The following PCDHGA4 variants were observed in gnomAD, a reference collection of about 807,000 sequenced individuals.
The protein encoded by PCDHGA4 is protocadherin gamma subfamily A, 4.
In PCDHGA4, 38 loss-of-function variants were observed where a neutral mutation model predicts 54.6. The ratio of observed to expected loss-of-function variants is 0.70; its 90% CI spans 0.54 to 0.91. The LOEUF (loss-of-function observed/expected upper bound fraction) is 0.91. PCDHGA4 is among the 40% of genes least tolerant of loss of function. The pLI is 0.00. For missense variants in PCDHGA4, 1,298 were observed against 1,220.9 expected, an observed-to-expected ratio of 1.06 and a Z score of -0.94; for synonymous variants, 511 against 512.9, an observed-to-expected ratio of 1.00 and a Z score of 0.05.
rs749590670 is a variant in PCDHGA4, at chr5:141,415,328, A to T, written c.2514+57707A>T. 7.9e-5 allele frequency: 127 copies of T among 1,614,184 alleles called. No individual in the cohort carries two copies. The Admixed American group carries it at 1.9e-3, about 24-fold the overall frequency. ...GCCTTCGTCATCGTGCTGCTGGCGC[A>T]CAGGCTGCGGCGCTGGCACAAGTCA... On this transcript the variant is annotated intron_variant, in intron 1 of 3. Transcript: ENST00000571252.
In PCDHGA4 at chr5:141,485,423, C is replaced by A; in HGVS notation, c.2515-9384C>A. On this transcript the variant is annotated intron_variant, in intron 1 of 3. Transcript: ENST00000571252. This position sits in a 1 kb window ranked among gnomAD's most constrained non-coding sequence, Gnocchi z 5.7. Reference sequence around the variant, plus strand: ...CCGTGTGGATTTGGACAGCGGAGCCCTGCTCATCAAGAACCCAATCGACCG... The same window carrying A: ...CCGTGTGGATTTGGACAGCGGAGCCATGCTCATCAAGAACCCAATCGACCG... 1 of 1,614,204 alleles carries A rather than the reference C, an allele frequency of 6.2e-7. No homozygotes were observed. The highest frequency in any genetic ancestry group is 8.5e-7 in the Non-Finnish European group (1 of 1,180,036).
chr5:141,456,020 C>T (rs2098840631), intron 1 of PCDHGA4, among the ~76,000 whole-genome samples: 1 of 151,834 alleles, frequency 6.6e-6, no homozygotes, highest in South Asian at 2.1e-4. Flanking sequence ...GCCTCAGCCT[C>T]CCGAGTAGCT....
intron 1 of PCDHGA4, chr5:141,365,994 A>G: frequency 6.2e-7 from 1 of 1,614,260 alleles, no homozygotes; most frequent in Non-Finnish European, 8.5e-7. Flanking sequence ...GTGCTGGACC[A>G]GAACGACAAT....
At chr5:141,414,640 G>A (rs1035735674) in intron 1 of PCDHGA4, 2 of 1,613,838 alleles carry the variant, frequency 1.2e-6, no homozygotes, top group Non-Finnish European at 1.7e-6. Flanking sequence ...CAAAGAGAAT[G>A]CCCAGATTAT....
intron 1 of PCDHGA4, chr5:141,410,107 G>A: frequency 3.1e-6 from 5 of 1,612,702 alleles, no homozygotes; most frequent in Non-Finnish European, 4.2e-6. Flanking sequence ...TAGGCGACAG[G>A]GACGCAGCCC....
At chr5:141,384,656 A>G in intron 1 of PCDHGA4, 1 of 1,614,192 alleles carries the variant, frequency 6.2e-7, no homozygotes, top group Non-Finnish European at 8.5e-7. Flanking sequence ...GAGCCCGGCT[A>G]CCTGGTGACC....
At chr5:141,454,620 G>T (rs1028840158) in intron 1 of PCDHGA4, among the ~76,000 whole-genome samples, 1 of 151,520 alleles carries the variant, frequency 6.6e-6, no homozygotes, top group East Asian at 1.9e-4. Flanking sequence ...TGGTCAGGCT[G>T]GTCTCGAACC....
chr5:141,414,134 A>G, intron 1 of PCDHGA4: 1 of 1,595,028 alleles, frequency 6.3e-7, no homozygotes, highest in Non-Finnish European at 8.5e-7. Flanking sequence ...GGTTTCTATG[A>G]AATAGAAATA....
In PCDHGA4 at chr5:141,355,945, G is replaced by A; in HGVS notation, c.838G>A (p.Val280Ile). ...CGTGTTCACTCAGCCCGAGTACCAC[G>A]TAAGTGTTCGTGAGAACGTTCCTGT... ...APVFTQPEYHVSVRENVPVGT... is the reference protein window; with the variant it reads ...APVFTQPEYHISVRENVPVGT... Residue 280 changes from valine to isoleucine, a missense_variant, in exon 1 of 4, where the codon GTA becomes ATA. Val to Ile is a conservative substitution (Grantham distance 29). Transcript: ENST00000571252. 2 of 1,613,848 alleles carry A rather than the reference G, an allele frequency of 1.2e-6. No homozygotes were observed. The highest frequency in any genetic ancestry group is 4.5e-5 in the East Asian group (2 of 44,884).
chr5:141,404,214 C>T lies in PCDHGA4; in HGVS notation c.2514+46593C>T, dbSNP rs1169013129. On this transcript the variant is annotated intron_variant, in intron 1 of 3. Coordinates refer to ENST00000571252, the MANE Select transcript of PCDHGA4 (RefSeq NM_018917.4). ...GAAAAAGCCTCAGAATATAATATCA[C>T]GGTGACTGCAACAGACAGAGGAACT... 11 of 1,613,562 alleles carry T rather than the reference C, an allele frequency of 6.8e-6. No individual in the cohort carries two copies. In the Admixed American group the frequency reaches 1.3e-4, roughly 20 times the overall value.
Position 141,417,626 on chromosome 5 carries a change from T to C in PCDHGA4, c.2514+60005T>C, listed in dbSNP as rs1156653216. ...CCGTCGGCCAGTGCAGAGCAAGCGC[T>C]GACGCCGGGGATCCCTCAGCCTCTA... On this transcript the variant is annotated intron_variant, in intron 1 of 3. Coordinates refer to ENST00000571252, the MANE Select transcript of PCDHGA4 (RefSeq NM_018917.4). The C allele has an allele frequency of 4.4e-6, 3 of 689,458 alleles. No homozygotes were observed. In the African/African-American group the frequency reaches 5.4e-5, roughly 12 times the overall value. The allele number at this position is 689,458 out of a possible 1,614,324, so 42.7% of individuals were successfully genotyped here. A position where few individuals can be genotyped will look rare whatever the true frequency, so the allele number is the denominator to read the frequency against.
intron 1 of PCDHGA4, chr5:141,399,640 G>C: frequency 2.5e-6 from 4 of 1,613,836 alleles, no homozygotes; most frequent in Non-Finnish European, 3.4e-6. Flanking sequence ...GTCCATGAGC[G>C]CGCAAAGTGG....
At chr5:141,387,700 G>A (rs1303500403) in intron 1 of PCDHGA4, 1 of 933,942 alleles carries the variant, frequency 1.1e-6, no homozygotes, top group Non-Finnish European at 1.6e-6. Context: ...CGCTTTCCAG[G>A]GCAGCCCCAG....
At chr5:141,406,649 G>A (rs1447190497) in intron 1 of PCDHGA4, among the ~76,000 whole-genome samples, 2 of 152,098 alleles carry the variant, frequency 1.3e-5, no homozygotes, top group African/African-American at 2.4e-5. Flanking sequence ...ATTTCCTAAT[G>A]CTTTAATGTT....
At chr5:141,415,478 GA>G (rs1209443921) in intron 1 of PCDHGA4, 2 of 1,613,964 alleles carry the variant, frequency 1.2e-6, no homozygotes, top group Non-Finnish European at 1.7e-6. Context: ...GCGGACTCGC[GA>G]AAGAGTCACC....
intron 1 of PCDHGA4, chr5:141,362,347 G>T: frequency 6.2e-7 from 1 of 1,614,042 alleles, no homozygotes; most frequent in Non-Finnish European, 8.5e-7. Context: ...GCCTGGACCT[G>T]GGGTTCTCCC....
Position 141,511,656 on chromosome 5 carries a change from C to T in PCDHGA4, c.*483C>T, listed in dbSNP as rs2099883892. On this transcript the variant is annotated 3_prime_UTR_variant, in exon 4 of 4. Transcript: ENST00000571252. ...GGGCATCATGACCTCTTGGCCTCTC[C>T]TTTGATTCTCAATCTTCCCCCAAAG... is the stretch of plus-strand genomic sequence containing the variant. 4.9e-6 allele frequency: 1 copy of T among 206,024 alleles called. No individual in the cohort carries two copies. The highest frequency in any genetic ancestry group is 5.2e-5 in the Admixed American group (1 of 19,114). 12.8% of individuals were successfully genotyped at this position (206,024 alleles called of 1,614,324 possible).
At chr5:141,380,251 G>C (rs1158039296) in intron 1 of PCDHGA4, among the ~76,000 whole-genome samples, 1 of 152,122 alleles carries the variant, frequency 6.6e-6, no homozygotes, top group Non-Finnish European at 1.5e-5. Context: ...AATTGTCAAA[G>C]GGGAAGGAGT....
In PCDHGA4 at chr5:141,485,079, A is replaced by C; in HGVS notation, c.2515-9728A>C. ...AACCGCGCCAGAGCTGGCGCGGGGA[A>C]AGGGAGATAGGTGTCTCCAGCTGCT... is the stretch of plus-strand genomic sequence containing the variant. On this transcript the variant is annotated intron_variant, in intron 1 of 3. Transcript: ENST00000571252. This position sits in a 1 kb window ranked among gnomAD's most constrained non-coding sequence, Gnocchi z 5.7. 1 of 949,456 alleles carries C rather than the reference A, an allele frequency of 1.1e-6. No individual in the cohort carries two copies. The highest frequency in any genetic ancestry group is 1.6e-6 in the Non-Finnish European group (1 of 614,758). 58.8% of individuals were successfully genotyped at this position (949,456 alleles called of 1,614,324 possible).
Sources: gnomAD v4.1 joint callset for allele counts (sites outside exome capture counted in the v4.1 genomes callset) on GRCh38, gnomAD v4.1.1 for gene constraint, Gnocchi (gnomAD v3.1) non-coding constraint, MANE v1.5 for transcripts, NCBI Gene and HGNC (gene_info 2026-07-23, HGNC 2026-07-21) for gene names.